Variants in NEBL observed in about 807,000 individuals in gnomAD.
The protein encoded by NEBL is nebulette.
NEBL carries 122 observed loss-of-function variants against 140.2 expected under a neutral mutation model. That is an observed-to-expected ratio of 0.87 (90% CI 0.75 to 1.01). The LOEUF is 1.01. Ranked by LOEUF, NEBL falls within the 50% of genes least tolerant of loss-of-function variation. The pLI is 0.00. For synonymous variants in NEBL, 436 were observed against 398.9 expected (o/e 1.09, Z -1.11); for missense variants, 1,365 against 1,231.3 (o/e 1.11, Z -1.62).
intron 2 of NEBL, chr10:21,113,330 CA>C: frequency 3.9e-6 from 1 of 254,778 alleles, no homozygotes; most frequent in Non-Finnish European, 6.9e-6. Context: ...CCTAAAACAG[CA>C]AAAGGACCTA....
At chr10:21,146,668 G>A (rs1839908837) in intron 2 of NEBL, 1 of 552,018 alleles carries the variant, frequency 1.8e-6, no homozygotes, top group African/African-American at 1.9e-5. Flanking sequence ...GCTCTGAAAA[G>A]TCTGTAGAAT....
At chr10:20,970,557 G>A (rs1484223696) in intron 3 of NEBL, among the ~76,000 whole-genome samples, 1 of 152,066 alleles carries the variant, frequency 6.6e-6, no homozygotes, top group Non-Finnish European at 1.5e-5. Context: ...TCTGAGGTGT[G>A]AGGATTGCTT....
At chr10:21,185,836 C>G (rs1841461045) in intron 3 of NEBL, among the ~76,000 whole-genome samples, 2 of 152,132 alleles carry the variant, frequency 1.3e-5, no homozygotes, top group Non-Finnish European at 2.9e-5. Flanking sequence ...GTGGCTCATG[C>G]ATTGCCTTCA....
chr10:21,172,578 C>T, intron 1 of NEBL: 1 of 801,192 alleles, frequency 1.2e-6, no homozygotes, highest in Non-Finnish European at 2.1e-6. Context: ...GTCCCTGTAG[C>T]TGAAAATATT....
intron 3 of NEBL, among the ~76,000 whole-genome samples, chr10:21,217,535 C>G (rs949701700): frequency 6.6e-6 from 1 of 152,094 alleles, no homozygotes; most frequent in African/African-American, 2.4e-5. Context: ...TTGATAGCAT[C>G]TGCTGTTGAG....
At chr10:20,944,176 G>A (rs1304919656) in intron 4 of NEBL, among the ~76,000 whole-genome samples, 1 of 152,202 alleles carries the variant, frequency 6.6e-6, no homozygotes, top group Admixed American at 6.5e-5. Flanking sequence ...GAGGCAGGCA[G>A]GTCACCTGAG....
intron 4 of NEBL, among the ~76,000 whole-genome samples, chr10:20,924,522 AT>A (rs542886847): frequency 3.2e-3 from 304 of 93,886 alleles, no homozygotes; most frequent in African/African-American, 0.011. Context: ...AGTATCTTGT[AT>A]AAAAAAAAAA....
intron 1 of NEBL, among the ~76,000 whole-genome samples, chr10:21,278,187 TC>T (rs1842947647): frequency 6.6e-6 from 1 of 152,156 alleles, no homozygotes; most frequent in East Asian, 1.9e-4. Flanking sequence ...ACACATGCAG[TC>T]CCAGCTACTC....
At chr10:21,038,913 G>A (rs907869510) in intron 2 of NEBL, among the ~76,000 whole-genome samples, 20 of 152,116 alleles carry the variant, frequency 1.3e-4, no homozygotes, top group African/African-American at 3.9e-4. Context: ...TCAAACTGGC[G>A]TGAGATGGTA....
At chr10:21,069,962 A>G (rs1239775791) in intron 2 of NEBL, 1 of 456,122 alleles carries the variant, frequency 2.2e-6, no homozygotes, top group Non-Finnish European at 4.4e-6. Flanking sequence ...ACAGCGGCTT[A>G]GGGACTGCGC....
intron 5 of NEBL, among the ~76,000 whole-genome samples, chr10:20,874,749 TC>T (rs1470917700): frequency 6.6e-6 from 1 of 152,158 alleles, no homozygotes; most frequent in Non-Finnish European, 1.5e-5. Context: ...TCATTTTTTT[TC>T]TTTTTTGAAG....
intron 4 of NEBL, among the ~76,000 whole-genome samples, chr10:20,915,301 T>C (rs1004090832): frequency 1.3e-5 from 2 of 151,720 alleles, no homozygotes; most frequent in African/African-American, 4.8e-5. Flanking sequence ...CATGTGCACA[T>C]TGTGCAGGTT....
chr10:21,097,120 T>G (rs1837223709), intron 2 of NEBL, among the ~76,000 whole-genome samples: 1 of 151,658 alleles, frequency 6.6e-6, no homozygotes, highest in Non-Finnish European at 1.5e-5. Context: ...CCAAATAAAA[T>G]TTATAATAAT....
chr10:20,971,706 C>T (rs1170828755), intron 3 of NEBL, among the ~76,000 whole-genome samples: 4 of 151,320 alleles, frequency 2.6e-5, no homozygotes, highest in Non-Finnish European at 4.4e-5. Flanking sequence ...CTCTGCCTCC[C>T]GGCTTCACGC....
Position 20,935,522 on chromosome 10 carries a change from C to T in NEBL, c.357+26150G>A, listed in dbSNP as rs543873489. ...AAATATTTGCATCGCCTGGAAATCA[C>T]ACGGACTTTGGCAGATCTCCTCCTT... On this transcript the variant is annotated intron_variant, in intron 4 of 6. Coordinates refer to the NEBL transcript ENST00000417816. Among the ~76,000 whole-genome samples, 69 of 152,292 alleles carry T rather than the reference C, an allele frequency of 4.5e-4. 1 individual carries two copies. Among genetic ancestry groups the T allele is most frequent in the African/African-American group, 1.6e-3 (67 of 41,564 alleles).
chr10:21,061,500 T>C (rs1354272583), intron 2 of NEBL, among the ~76,000 whole-genome samples: 2 of 147,292 alleles, frequency 1.4e-5, no homozygotes, highest in African/African-American at 2.5e-5. Context: ...TGATATATCA[T>C]ATATTACATT....
intron 3 of NEBL, among the ~76,000 whole-genome samples, chr10:20,973,477 G>A (rs760367911): frequency 7.9e-5 from 12 of 151,938 alleles, no homozygotes; most frequent in East Asian, 5.8e-4. Flanking sequence ...CTCAAATTCC[G>A]GGCCTCAAGT....
intron 1 of NEBL, among the ~76,000 whole-genome samples, chr10:21,257,636 A>G (rs1003082803): frequency 1.3e-5 from 2 of 152,202 alleles, no homozygotes; most frequent in Admixed American, 6.6e-5. Context: ...CTGTAATCCC[A>G]GCACTTTGGG....
At chr10:21,288,146 A>T (rs2132304053) in intron 1 of NEBL, among the ~76,000 whole-genome samples, 1 of 152,326 alleles carries the variant, frequency 6.6e-6, no homozygotes, top group East Asian at 1.9e-4. Context: ...ACCAGTAATC[A>T]AAGGAGTGAA....
Sources: gnomAD v4.1 joint callset for allele counts (sites outside exome capture counted in the v4.1 genomes callset) on GRCh38, gnomAD v4.1.1 for gene constraint, MANE v1.5 for transcripts, NCBI Gene and HGNC (gene_info 2026-07-23, HGNC 2026-07-21) for gene names.